RAD51B: variants seen among roughly 807,000 people sequenced by gnomAD.
RAD51B encodes the protein RAD51 paralog B.
Under a neutral mutation model 42.2 loss-of-function variants are expected in RAD51B, and 38 were observed. The observed-to-expected ratio is 0.90, with a 90% CI of 0.70 to 1.18. The LOEUF (loss-of-function observed/expected upper bound fraction) is 1.18. Among genes scored for constraint, RAD51B ranks in the 50% most tolerant of loss-of-function variants. RAD51B has a pLI of 0.00. For missense variants in RAD51B, 373 were observed against 400.7 expected (o/e 0.93, Z 0.59); for synonymous variants, 154 against 145.2 (o/e 1.06, Z -0.43).
intron 11 of RAD51B, among the ~76,000 whole-genome samples, chr14:68,660,298 A>T (rs147361876): frequency 6.1e-4 from 93 of 152,372 alleles, no homozygotes; most frequent in African/African-American, 2.0e-3. Flanking sequence ...CGTGCTGCTG[A>T]GTAGCTTTTA....
At chr14:68,660,780 C>A (rs2140145688) in intron 11 of RAD51B, among the ~76,000 whole-genome samples, 1 of 152,278 alleles carries the variant, frequency 6.6e-6, no homozygotes, top group South Asian at 2.1e-4. Context: ...TGGGCTGAAC[C>A]TTGAAAGATG....
At chr14:68,130,362 G>A (rs910220760) in intron 7 of RAD51B, among the ~76,000 whole-genome samples, 1 of 152,344 alleles carries the variant, frequency 6.6e-6, no homozygotes, top group Non-Finnish European at 1.5e-5. Context: ...TCCTCTTGCT[G>A]TGTTTAAAGA....
intron 8 of RAD51B, among the ~76,000 whole-genome samples, chr14:68,324,262 A>G (rs1348506844): frequency 6.6e-6 from 1 of 152,188 alleles, no homozygotes; most frequent in Non-Finnish European, 1.5e-5. Flanking sequence ...GATTCAACAA[A>G]CCATCTATAC....
At chr14:68,266,418 G>C (rs1245029341) in intron 7 of RAD51B, among the ~76,000 whole-genome samples, 4 of 152,180 alleles carry the variant, frequency 2.6e-5, no homozygotes, top group Admixed American at 2.0e-4. Flanking sequence ...TCCAAGTATA[G>C]GGTAGGACCC....
At chr14:68,299,846 T>A (rs1028607029) in intron 8 of RAD51B, among the ~76,000 whole-genome samples, 1 of 152,196 alleles carries the variant, frequency 6.6e-6, no homozygotes, top group African/African-American at 2.4e-5. Context: ...GGTTGAAACT[T>A]AGGTTATTCT....
intron 10 of RAD51B, among the ~76,000 whole-genome samples, chr14:68,581,167 C>G (rs1890192356): frequency 6.6e-6 from 1 of 151,984 alleles, no homozygotes; most frequent in South Asian, 2.1e-4. Context: ...AGATGGTCCC[C>G]TAGTTGTGAT....
At chr14:67,913,173 C>T (rs895233332) in intron 7 of RAD51B, among the ~76,000 whole-genome samples, 2 of 152,158 alleles carry the variant, frequency 1.3e-5, no homozygotes, top group Non-Finnish European at 2.9e-5. Flanking sequence ...TGGTAGTTAT[C>T]CCCTACCATT....
chr14:68,024,893 A>C (rs2075926542), intron 7 of RAD51B, among the ~76,000 whole-genome samples: 2 of 151,994 alleles, frequency 1.3e-5, no homozygotes, highest in African/African-American at 4.8e-5. Context: ...TATGTTGAAT[A>C]GTAGTGGCGA....
chr14:68,273,370 C>T (rs2081158968), intron 7 of RAD51B, among the ~76,000 whole-genome samples: 1 of 152,172 alleles, frequency 6.6e-6, no homozygotes, highest in Non-Finnish European at 1.5e-5. Context: ...AGCTCCCGGA[C>T]CAGGCTGAGC....
chr14:68,299,243 A>T (rs932673745), intron 8 of RAD51B, among the ~76,000 whole-genome samples: 1 of 151,950 alleles, frequency 6.6e-6, no homozygotes, highest in African/African-American at 2.4e-5. Flanking sequence ...CTGGCATCGT[A>T]TGTTTATTAT....
At chr14:68,527,834 T>G (rs1296653139) in intron 10 of RAD51B, among the ~76,000 whole-genome samples, 1 of 152,240 alleles carries the variant, frequency 6.6e-6, no homozygotes, top group Non-Finnish European at 1.5e-5. Context: ...GCTCATAAAG[T>G]ATGCATAGAA....
chr14:68,593,115 G>A (rs1020806959), intron 10 of RAD51B, among the ~76,000 whole-genome samples: 12 of 152,224 alleles, frequency 7.9e-5, no homozygotes, highest in African/African-American at 2.7e-4. Context: ...TGGCGGAACT[G>A]GAACTGATTT....
chr14:67,838,763 C>T (rs1594978901), intron 4 of RAD51B, among the ~76,000 whole-genome samples: 1 of 151,108 alleles, frequency 6.6e-6, no homozygotes, highest in South Asian at 2.1e-4. Context: ...TTTATTAATA[C>T]CATTTTCCTG....
intron 10 of RAD51B, among the ~76,000 whole-genome samples, chr14:68,588,862 A>G (rs1356228855): frequency 6.6e-6 from 1 of 152,214 alleles, no homozygotes; most frequent in East Asian, 1.9e-4. Flanking sequence ...ACAGGGATGG[A>G]CAAGCCACGA....
intron 8 of RAD51B, among the ~76,000 whole-genome samples, chr14:68,356,860 G>A (rs1473692379): frequency 6.6e-6 from 1 of 151,862 alleles, no homozygotes; most frequent in South Asian, 2.1e-4. Context: ...GCGGGCGCCT[G>A]TAGTCCCAGC....
In RAD51B at chr14:68,295,647, G is replaced by A. The variant is rs565686441; in HGVS notation, c.853+3667G>A. ...TCTGTTGGGGTGGAAGAGATCTCTC[G>A]GTTGGGCCAGGTCACTTGTATTCCC... On this transcript the variant is annotated intron_variant, in intron 8 of 10. Coordinates refer to ENST00000471583, the MANE Select transcript of RAD51B (RefSeq NM_133510.4). 3.3e-5 allele frequency among the ~76,000 whole-genome samples: 5 copies of A among 152,232 alleles called. No individual in the cohort carries two copies. In the South Asian group the frequency reaches 6.2e-4, roughly 19 times the overall value.
intron 7 of RAD51B, among the ~76,000 whole-genome samples, chr14:68,137,364 T>C (rs1009053639): frequency 3.1e-4 from 47 of 152,198 alleles, no homozygotes; most frequent in Non-Finnish European, 5.7e-4. Context: ...GGTAAGAAAT[T>C]ACTACAGATT....
At chr14:68,583,506 C>T (rs751106322) in intron 10 of RAD51B, among the ~76,000 whole-genome samples, 1 of 152,238 alleles carries the variant, frequency 6.6e-6, no homozygotes, top group African/African-American at 2.4e-5. Flanking sequence ...CCTTGACAAA[C>T]GCACCTTCCT....
chr14:68,027,584 C>T (rs2075974784), intron 7 of RAD51B, among the ~76,000 whole-genome samples: 1 of 152,056 alleles, frequency 6.6e-6, no homozygotes, highest in Non-Finnish European at 1.5e-5. Flanking sequence ...AAGAACTGGT[C>T]TTCGAGTTCT....
Sources: allele counts gnomAD v4.1 joint callset (sites outside exome capture counted in the v4.1 genomes callset), GRCh38; gene constraint gnomAD v4.1.1; transcripts MANE v1.5; gene names NCBI Gene and HGNC (gene_info 2026-07-23, HGNC 2026-07-21).